OPA1: variants seen among roughly 807,000 people sequenced by gnomAD.
OPA1 encodes dynamin-like GTPase OPA1, mitochondrial.
In OPA1, 59 loss-of-function variants were observed where a neutral mutation model predicts 152.9. The ratio of observed to expected loss-of-function variants is 0.39; its 90% CI spans 0.31 to 0.48. The LOEUF is 0.48. Among genes scored for constraint, OPA1 ranks in the 20% least tolerant of loss-of-function variants. The pLI, the probability that OPA1 is intolerant of heterozygous loss-of-function variation, is 0.96. For synonymous variants in OPA1, 400 were observed against 389.9 expected (o/e 1.03, Z -0.31); for missense variants, 1,008 against 1,216.8 (o/e 0.83, Z 2.55).
intron 16 of OPA1, 136 bp from the exon 17 acceptor site, chr3:193,645,417 C>T: frequency 1.6e-6 from 1 of 636,384 alleles, no homozygotes. Flanking sequence ...AATGGAAAAA[C>T]ATTTTAAATG....
intron 29 of OPA1, among the ~76,000 whole-genome samples, chr3:193,670,822 GGAGAGGC>G (rs1717760848): frequency 6.6e-6 from 1 of 152,178 alleles, no homozygotes; most frequent in South Asian, 2.1e-4. Flanking sequence ...TTTTGTCTCA[GGAGAGGC>G]TCTTCCAGGA....
chr3:193,614,036 C>T, intron 1 of OPA1: 1 of 510,184 alleles, frequency 2.0e-6, no homozygotes, highest in Admixed American at 2.0e-5. Context: ...TGTTGGTAAC[C>T]TTTCATTCTC....
intron 29 of OPA1, chr3:193,668,745 A>C: frequency 2.4e-6 from 3 of 1,276,042 alleles, no homozygotes; most frequent in South Asian, 1.5e-5. Flanking sequence ...TCCCCTTCCC[A>C]CCCCCCTAGC....
At chr3:193,657,524 G>A (rs753218042) in intron 23 of OPA1, among the ~76,000 whole-genome samples, 9 of 152,156 alleles carry the variant, frequency 5.9e-5, no homozygotes, top group Non-Finnish European at 8.8e-5. Context: ...TTATGGGCCT[G>A]TCTGTAGATA....
intron 8 of OPA1, among the ~76,000 whole-genome samples, chr3:193,635,138 C>A (rs541611219): frequency 1.3e-5 from 2 of 152,080 alleles, no homozygotes; most frequent in Non-Finnish European, 2.9e-5. Context: ...TAAATTCTTA[C>A]GTTTTCACTA....
At chr3:193,649,939 T>C (rs1490435669) in intron 21 of OPA1, among the ~76,000 whole-genome samples, 1 of 152,210 alleles carries the variant, frequency 6.6e-6, no homozygotes, top group Admixed American at 6.5e-5. Flanking sequence ...ATATATAGGT[T>C]TACAGATTGA....
chr3:193,672,793 C>A (rs1293764004), intron 29 of OPA1, among the ~76,000 whole-genome samples: 1 of 150,210 alleles, frequency 6.7e-6, no homozygotes, highest in Admixed American at 6.7e-5. Flanking sequence ...CGCCTGAACC[C>A]GGGAGGCAGA....
chr3:193,648,049 G>C, intron 19 of OPA1, 21 bp from the exon 20 acceptor site: 1 of 1,594,112 alleles, frequency 6.3e-7, no homozygotes, highest in Non-Finnish European at 8.6e-7. Context: ...CATCAAACTT[G>C]AACTTTTCCT....
chr3:193,594,053 G>A (rs1348208181), intron 1 of OPA1, among the ~76,000 whole-genome samples: 1 of 152,088 alleles, frequency 6.6e-6, no homozygotes, highest in Non-Finnish European at 1.5e-5. Context: ...CGTGAACGTG[G>A]CACCACCTTT....
At chr3:193,668,224 G>A in intron 29 of OPA1, 1 of 848,954 alleles carries the variant, frequency 1.2e-6, no homozygotes, top group Admixed American at 2.6e-5. Flanking sequence ...TAGAAAACGG[G>A]CTTCTAGTAT....
chr3:193,637,499 A>G (rs1029645978), intron 10 of OPA1, among the ~76,000 whole-genome samples: 1 of 151,960 alleles, frequency 6.6e-6, no homozygotes, highest in African/African-American at 2.4e-5. Flanking sequence ...TAAGTACATT[A>G]TATTTATGAG....
chr3:193,693,266 G>A (rs920126549), intron 30 of OPA1, among the ~76,000 whole-genome samples: 1 of 152,224 alleles, frequency 6.6e-6, no homozygotes, highest in Non-Finnish European at 1.5e-5. Context: ...TCGGAACAGT[G>A]TGCCAGCAAA....
intron 11 of OPA1, among the ~76,000 whole-genome samples, chr3:193,641,569 AG>A (rs1355430561): frequency 8.5e-5 from 13 of 152,198 alleles, no homozygotes; most frequent in African/African-American, 3.1e-4. Flanking sequence ...TACTCAACCC[AG>A]TGAAACTGCT....
chr3:193,645,411 GA>G (rs1734415091), intron 16 of OPA1, 141 bp from the exon 17 acceptor site: 2 of 629,432 alleles, frequency 3.2e-6, no homozygotes, highest in African/African-American at 1.9e-5. Context: ...AATAGCAATG[GA>G]AAAACATTTT....
intron 1 of OPA1, among the ~76,000 whole-genome samples, chr3:193,594,627 A>G (rs1314081088): frequency 6.6e-6 from 1 of 152,254 alleles, no homozygotes; most frequent in South Asian, 2.1e-4. Flanking sequence ...ACCTCATGTG[A>G]TCCACCCTCC....
intron 29 of OPA1, among the ~76,000 whole-genome samples, chr3:193,670,823 G>C (rs1257950830): frequency 1.3e-5 from 2 of 152,194 alleles, no homozygotes; most frequent in Non-Finnish European, 2.9e-5. Flanking sequence ...TTTGTCTCAG[G>C]AGAGGCTCTT....
At chr3:193,638,272 A>T (rs1295630068) in intron 11 of OPA1, among the ~76,000 whole-genome samples, 1 of 152,184 alleles carries the variant, frequency 6.6e-6, no homozygotes, top group Admixed American at 6.5e-5. Context: ...GTAGGAGAGG[A>T]TGACAGAGAC....
At chr3:193,640,133 T>G (rs1171645094) in intron 11 of OPA1, among the ~76,000 whole-genome samples, 1 of 152,164 alleles carries the variant, frequency 6.6e-6, no homozygotes, top group African/African-American at 2.4e-5. Flanking sequence ...GCCAGAGACA[T>G]ACATTTAGGA....
intron 29 of OPA1, among the ~76,000 whole-genome samples, chr3:193,688,188 C>T (rs1721167306): frequency 1.3e-5 from 2 of 152,200 alleles, no homozygotes; most frequent in East Asian, 1.9e-4. Flanking sequence ...TGGGCAACTT[C>T]GTTTATCATT....
Sources: gnomAD v4.1 joint callset for allele counts (sites outside exome capture counted in the v4.1 genomes callset) on GRCh38, gnomAD v4.1.1 for gene constraint, MANE v1.5 for transcripts, NCBI Gene and HGNC (gene_info 2026-07-23, HGNC 2026-07-21) for gene names.